Variants in ABCC5 observed in about 807,000 individuals in gnomAD.
The protein encoded by ABCC5 is ATP-binding cassette sub-family C member 5.
ABCC5 carries 61 observed loss-of-function variants against 160.9 expected under a neutral mutation model. The observed-to-expected ratio is 0.38, with a 90% CI of 0.31 to 0.47. The LOEUF is 0.47. Ranked by LOEUF, ABCC5 falls within the 20% of genes least tolerant of loss-of-function variation. The pLI, the probability that ABCC5 is intolerant of heterozygous loss-of-function variation, is 0.99. For synonymous variants in ABCC5, 666 were observed against 700.6 expected (o/e 0.95, Z 0.78); for missense variants, 1,308 against 1,813.3 (o/e 0.72, Z 5.06).
chr3:183,921,063 C>T lies in ABCC5; in HGVS notation c.*237G>A. The T allele has an allele frequency of 5.3e-6, 2 of 375,878 alleles. No individual in the cohort carries two copies. Among genetic ancestry groups the T allele is most frequent in the Non-Finnish European group, 9.6e-6 (2 of 209,018 alleles). The allele number at this position is 375,878 out of a possible 1,614,324, so 23.3% of individuals were successfully genotyped here. ...ACAATTATAATAACGGTTCCCTGAA[C>T]CTTTTAGAGTGCAATTAAGAACAAA... On this transcript the variant is annotated 3_prime_UTR_variant, in exon 30 of 30. Coordinates refer to ENST00000334444, the MANE Select transcript of ABCC5 (RefSeq NM_005688.4). This position sits in a 1 kb window ranked among gnomAD's most constrained non-coding sequence, Gnocchi z 4.1.
At chr3:184,010,905 C>G (rs1175578477) in intron 2 of ABCC5, among the ~76,000 whole-genome samples, 1 of 149,330 alleles carries the variant, frequency 6.7e-6, no homozygotes, top group African/African-American at 2.5e-5. Flanking sequence ...TCAAGCGATT[C>G]TCCTGCCTCA....
chr3:183,993,475 C>A lies in ABCC5; in HGVS notation c.130-4092G>T, dbSNP rs544459476. 2.4e-3 allele frequency among the ~76,000 whole-genome samples: 318 copies of A among 130,226 alleles called. 3 individuals carry two copies. In the South Asian group the frequency reaches 0.027, roughly 11 times the overall value. 85.4% of individuals were successfully genotyped at this position (130,226 alleles called of 152,430 possible). On this transcript the variant is annotated intron_variant, in intron 2 of 29. Transcript: ENST00000334444. ...CTCCAGCCTGGGTGACAGAGCAAGA[C>A]CCTGTCTCAAAAAAAAAAAAAAAAA...
chr3:183,938,265 C>T, intron 25 of ABCC5, among the ~76,000 whole-genome samples: 1 of 152,156 alleles, frequency 6.6e-6, no homozygotes, highest in Middle Eastern at 3.2e-3. Context: ...AATTACACAG[C>T]TTCAGCCTGA....
Position 183,925,520 on chromosome 3 carries a change from A to T in ABCC5, c.4212+35T>A, listed in dbSNP as rs185844622. 5 of 1,607,858 alleles carry T rather than the reference A, an allele frequency of 3.1e-6. No individual in the cohort carries two copies. In the Admixed American group the frequency reaches 5.1e-5, roughly 16 times the overall value. On this transcript the variant is annotated intron_variant, in intron 29 of 29. Coordinates refer to ENST00000334444, the MANE Select transcript of ABCC5 (RefSeq NM_005688.4). ...CTGCCAGGGGCCAGTTTCCTCCCAG[A>T]CATGCCAAGCCAAAGTTCCTGAAGG...
chr3:183,969,033 C>T (rs1717491970), intron 11 of ABCC5, among the ~76,000 whole-genome samples: 1 of 152,198 alleles, frequency 6.6e-6, no homozygotes, highest in African/African-American at 2.4e-5. Context: ...GTCACAGGTT[C>T]AACCTCTGCT....
intron 2 of ABCC5, among the ~76,000 whole-genome samples, chr3:184,007,597 G>A (rs1414269046): frequency 2.0e-5 from 3 of 151,992 alleles, no homozygotes; most frequent in African/African-American, 4.8e-5. Flanking sequence ...AGGCTGAGGC[G>A]GAGGGATCAC....
Position 183,951,527 on chromosome 3 carries a change from C to T in ABCC5, c.2858G>A (p.Arg953Gln). The T allele has an allele frequency of 3.1e-6, 5 of 1,614,232 alleles. No individual in the cohort carries two copies. Among genetic ancestry groups the T allele is most frequent in the African/African-American group, 1.3e-5 (1 of 75,060 alleles). The change falls in exon 20 of 30, where the codon CGA (arginine) becomes CAA (glutamine). Residue 953 changes from arginine (R) to glutamine (Q), a missense_variant. This residue lies in a region of ABCC5 where 1,142 missense variants were observed against 1,527.1 expected (regional missense o/e 0.75). Transcript: ENST00000334444. This position sits in a 1 kb window ranked among gnomAD's most constrained non-coding sequence, Gnocchi z 4.7. ...ASSRLHDELF[R>Q]RILRSPMKFF... ...CTTCATAGGGCTTCGAAGGATCCTT[C>T]GGAAAAGCTCGTCATGCAGCCGGGA... is the stretch of plus-strand genomic sequence containing the variant.
chr3:183,927,517 G>T, intron 27 of ABCC5, 74 bp from the exon 28 acceptor site: 1 of 1,532,400 alleles, frequency 6.5e-7, no homozygotes, highest in Non-Finnish European at 8.8e-7. Flanking sequence ...AGGACAGAAA[G>T]AAATGATTCT....
chr3:183,955,877 ATC>A (rs1715856322), intron 17 of ABCC5, among the ~76,000 whole-genome samples: 1 of 143,320 alleles, frequency 7.0e-6, no homozygotes. Flanking sequence ...TGTATATTAC[ATC>A]TGTTATATGC....
At chr3:183,945,271 T>G (rs1714732414) in intron 24 of ABCC5, among the ~76,000 whole-genome samples, 1 of 152,200 alleles carries the variant, frequency 6.6e-6, no homozygotes, top group Non-Finnish European at 1.5e-5. Context: ...AGCAGCAAGA[T>G]GCCTGCCACC....
intron 2 of ABCC5, among the ~76,000 whole-genome samples, chr3:183,996,584 T>C (rs1720305048): frequency 6.6e-6 from 1 of 152,224 alleles, no homozygotes; most frequent in Non-Finnish European, 1.5e-5. Flanking sequence ...AGGCAAGTCT[T>C]CATTCCCCAG....
chr3:183,992,472 G>A (rs1221851411), intron 2 of ABCC5, among the ~76,000 whole-genome samples: 1 of 152,222 alleles, frequency 6.6e-6, no homozygotes, highest in Non-Finnish European at 1.5e-5. Context: ...TCTCTGGGAT[G>A]CAGCTAAAAC....
chr3:183,957,396 A>G (rs1327462099), intron 17 of ABCC5, among the ~76,000 whole-genome samples: 2 of 132,080 alleles, frequency 1.5e-5, no homozygotes, highest in East Asian at 3.0e-4. Flanking sequence ...TTACATGCTT[A>G]TCCGTGTGTA....
chr3:184,014,317 T>C lies in ABCC5; in HGVS notation c.76A>G (p.Thr26Ala). ...GYRSVRERTS[T>A]SGTHRDREDS... Reference sequence around the variant, plus strand: ...TCACGGTCTCTGTGCGTCCCAGAAGTGCTGGTTCTCTCCCTCACACTTCTA... The same window carrying C: ...TCACGGTCTCTGTGCGTCCCAGAAGCGCTGGTTCTCTCCCTCACACTTCTA... Residue 26 changes from threonine (T) to alanine (A), a missense_variant, in exon 2 of 30, where the codon ACT becomes GCT. Transcript: ENST00000334444. 1 of 1,614,120 alleles carries C rather than the reference T, an allele frequency of 6.2e-7. No individual in the cohort carries two copies. Among genetic ancestry groups the C allele is most frequent in the Non-Finnish European group, 8.5e-7 (1 of 1,179,998 alleles).
chr3:184,005,759 A>G (rs1044976148), intron 2 of ABCC5, among the ~76,000 whole-genome samples: 5 of 152,140 alleles, frequency 3.3e-5, no homozygotes, highest in Non-Finnish European at 7.3e-5. Flanking sequence ...GTGTACATGT[A>G]CCCTAGAACT....
intron 16 of ABCC5, among the ~76,000 whole-genome samples, chr3:183,960,426 C>CAGTCACAG (rs1347337279): frequency 3.9e-5 from 6 of 152,222 alleles, no homozygotes; most frequent in African/African-American, 4.8e-5. Flanking sequence ...GTCCCAATCG[C>CAGTCACAG]AGTCACAGTT....
At position 183,963,624 on chromosome 3, in the gene ABCC5, G is replaced by GC. The variant is rs1560012958; in HGVS notation, c.2032-37dup. The GC allele has an allele frequency of 6.2e-7, 1 of 1,607,512 alleles. No homozygotes were observed. The highest frequency in any genetic ancestry group is 2.2e-5 in the East Asian group (1 of 44,834). On this transcript the variant is annotated intron_variant, in intron 14 of 29. Transcript: ENST00000334444. The surrounding 1 kb of genome is among the most constrained non-coding windows in gnomAD (Gnocchi z 4.6). Reference sequence around the variant, plus strand: ...CCAGAAGTGTGGTGAAGCCTCCAGCGCAAGTCCAGAACAGCGTGGAGGGGT... The same window carrying GC: ...CCAGAAGTGTGGTGAAGCCTCCAGCGCCAAGTCCAGAACAGCGTGGAGGGGT...
intron 10 of ABCC5, among the ~76,000 whole-genome samples, chr3:183,973,064 T>TC (rs1367049286): frequency 6.7e-6 from 1 of 148,884 alleles, no homozygotes; most frequent in Non-Finnish European, 1.5e-5. Flanking sequence ...TTTTTTTTTT[T>TC]TTTTTGGTGA....
At chr3:183,955,352 T>G (rs926273722) in intron 17 of ABCC5, among the ~76,000 whole-genome samples, 2 of 152,154 alleles carry the variant, frequency 1.3e-5, no homozygotes, top group African/African-American at 4.8e-5. Context: ...AGTCTTAGGA[T>G]CTCTATATAA....
Sources: gnomAD v4.1 joint callset for allele counts (sites outside exome capture counted in the v4.1 genomes callset) on GRCh38, gnomAD v4.1.1 for gene constraint, gnomAD v4.1.1 regional missense constraint, Gnocchi (gnomAD v3.1) non-coding constraint, MANE v1.5 for transcripts, NCBI Gene and HGNC (gene_info 2026-07-23, HGNC 2026-07-21) for gene names.